MOK: variants seen among roughly 807,000 people sequenced by gnomAD.
The protein encoded by MOK is MAPK/MAK/MRK overlapping kinase.
A neutral mutation model predicts 54.2 loss-of-function variants in MOK; 59 were observed. That is an observed-to-expected ratio of 1.09 (90% confidence interval 0.88 to 1.35). The LOEUF is 1.35. MOK is among the 40% of genes most tolerant of loss of function. The pLI, the probability that MOK is intolerant of heterozygous loss-of-function variation, is 0.00. For missense variants in MOK, 517 were observed against 526.2 expected (o/e 0.98, Z 0.17); for synonymous variants, 210 against 202.7 (o/e 1.04, Z -0.31).
chr14:102,293,824 T>A (rs2071077689), intron 1 of MOK, among the ~76,000 whole-genome samples: 1 of 152,088 alleles, frequency 6.6e-6, no homozygotes, highest in South Asian at 2.1e-4. Context: ...TTCTTCATTA[T>A]AATTATCTAC....
chr14:102,298,878 G>A (rs964936103), intron 1 of MOK, among the ~76,000 whole-genome samples: 5 of 152,112 alleles, frequency 3.3e-5, no homozygotes, highest in Non-Finnish European at 7.3e-5. Context: ...AACCCACCAG[G>A]AGGAATGAAC....
At chr14:102,286,065 C>T (rs1031372497) in intron 1 of MOK, among the ~76,000 whole-genome samples, 13 of 151,136 alleles carry the variant, frequency 8.6e-5, no homozygotes, top group South Asian at 2.1e-4. Flanking sequence ...TTTGGGAGGC[C>T]GAGGCGGGCG....
intron 7 of MOK, chr14:102,234,819 A>C (rs1242591162): frequency 6.6e-6 from 1 of 152,128 alleles, no homozygotes; most frequent in Non-Finnish European, 1.5e-5. Context: ...AGAGACTTAG[A>C]CAACTTTTGC....
At chr14:102,254,315 C>T (rs531546178) in intron 4 of MOK, among the ~76,000 whole-genome samples, 1 of 152,296 alleles carries the variant, frequency 6.6e-6, no homozygotes, top group East Asian at 1.9e-4. Flanking sequence ...GTCATACTAT[C>T]ATCTTTTTAT....
intron 7 of MOK, chr14:102,234,881 C>G (rs943385316): frequency 6.6e-6 from 1 of 152,188 alleles, no homozygotes. Context: ...TTTCTTTACT[C>G]TCTGTAGTCG....
At chr14:102,217,756 G>A in the MOK span, among the ~76,000 whole-genome samples, 1,067 of 152,350 alleles carry the variant, frequency 7.0e-3, 12 homozygotes, top group African/African-American at 0.02. Flanking sequence ...AATGGTGGGA[G>A]TCTTGCACGT....
At chr14:102,265,533 G>A (rs1411699733) in intron 3 of MOK, among the ~76,000 whole-genome samples, 1 of 152,154 alleles carries the variant, frequency 6.6e-6, no homozygotes, top group Non-Finnish European at 1.5e-5. Context: ...TCGGGAGGCT[G>A]AGGCAGGAGA....
chr14:102,224,486 C>G, downstream of MOK: 1 of 416,462 alleles, frequency 2.4e-6, no homozygotes, highest in East Asian at 7.1e-5. Flanking sequence ...TTTAAAAAAT[C>G]ATATACAACT....
chr14:102,265,140 G>C (rs941992736), intron 3 of MOK, among the ~76,000 whole-genome samples: 5 of 152,200 alleles, frequency 3.3e-5, no homozygotes, highest in Admixed American at 2.0e-4. Context: ...ACAGGAGACT[G>C]TTCAGAAATG....
At chr14:102,275,289 G>A (rs2068751939) in intron 2 of MOK, among the ~76,000 whole-genome samples, 1 of 152,206 alleles carries the variant, frequency 6.6e-6, no homozygotes, top group Admixed American at 6.5e-5. Flanking sequence ...GATTGGCCGG[G>A]CACGGCGGCT....
downstream of MOK, among the ~76,000 whole-genome samples, chr14:102,220,707 G>A (rs1349206771): frequency 7.6e-6 from 1 of 132,088 alleles, no homozygotes; most frequent in Non-Finnish European, 1.6e-5. The surrounding 1 kb of genome is among the most constrained non-coding windows in gnomAD (Gnocchi z 4.2). Context: ...ACAACAAAGT[G>A]AGACTCCGTC....
chr14:102,257,537 G>T (rs1468928635), intron 4 of MOK, among the ~76,000 whole-genome samples: 8 of 152,142 alleles, frequency 5.3e-5, no homozygotes. Flanking sequence ...CTAAAAGGGA[G>T]AACCAACACA....
chr14:102,268,687 G>A (rs561664699), intron 2 of MOK, among the ~76,000 whole-genome samples: 11 of 152,164 alleles, frequency 7.2e-5, no homozygotes, highest in African/African-American at 2.4e-4. Flanking sequence ...AGGCCGAGGC[G>A]GGTGGATCAT....
chr14:102,229,579 GC>G lies in MOK; in HGVS notation c.1059del (p.Lys353AsnfsTer31). 1 of 1,614,204 alleles carries G rather than the reference GC, an allele frequency of 6.2e-7. No individual in the cohort carries two copies. Among genetic ancestry groups the G allele is most frequent in the East Asian group, 2.2e-5 (1 of 44,888 alleles). ...GACGACAGTCTGACCACTCCCGAAA[GC>G]TTTAGTTTGGGCAGTTCCATGACAT... ...PAYVMELPKL[K>X]LSGVVRLSSY... On this transcript the variant is annotated frameshift_variant, in exon 11 of 12. Transcript: ENST00000361847. LOFTEE classifies it high-confidence loss of function.
intron 2 of MOK, among the ~76,000 whole-genome samples, chr14:102,272,511 A>G (rs1227785633): frequency 1.3e-5 from 2 of 152,148 alleles, no homozygotes; most frequent in African/African-American, 4.8e-5. Flanking sequence ...GAGTACAAAT[A>G]CAAAAATACT....
chr14:102,304,125 A>T (rs1822185232), intron 1 of MOK, among the ~76,000 whole-genome samples: 1 of 152,246 alleles, frequency 6.6e-6, no homozygotes, highest in African/African-American at 2.4e-5. Flanking sequence ...AATTATTTTA[A>T]ATGTTATGCA....
chr14:102,292,386 T>A (rs911035458), intron 1 of MOK, among the ~76,000 whole-genome samples: 1 of 151,760 alleles, frequency 6.6e-6, no homozygotes, highest in Non-Finnish European at 1.5e-5. Context: ...GGCAGGAGAA[T>A]GGCGTGAACC....
chr14:102,219,284 G>A, the MOK span, among the ~76,000 whole-genome samples: 1 of 152,242 alleles, frequency 6.6e-6, no homozygotes. Context: ...GTTCACCACG[G>A]CAAAGTGAGT....
intron 4 of MOK, among the ~76,000 whole-genome samples, chr14:102,260,363 C>T (rs540133509): frequency 2.0e-5 from 3 of 151,898 alleles, no homozygotes; most frequent in East Asian, 1.9e-4. Flanking sequence ...AAAAAATAAC[C>T]GTATCTGCCT....
Sources: gnomAD v4.1 joint callset for allele counts (sites outside exome capture counted in the v4.1 genomes callset) on GRCh38, gnomAD v4.1.1 for gene constraint, Gnocchi (gnomAD v3.1) non-coding constraint, MANE v1.5 for transcripts, NCBI Gene and HGNC (gene_info 2026-07-23, HGNC 2026-07-21) for gene names.